Variants in ADK observed in about 807,000 individuals in gnomAD.
ADK encodes the protein N6,N6-dimethyladenosine kinase.
A neutral mutation model predicts 44.7 loss-of-function variants in ADK; 24 were observed. The ratio of observed to expected loss-of-function variants is 0.54; its 90% CI spans 0.39 to 0.76. The LOEUF (loss-of-function observed/expected upper bound fraction) is 0.76. Among genes scored for constraint, ADK ranks in the 30% least tolerant of loss-of-function variants. The probability of loss-of-function intolerance (pLI) is 0.00; values close to 1 mark genes in which losing one functional copy is unlikely to be tolerated. For synonymous variants in ADK, 128 were observed against 142.6 expected (o/e 0.90, Z 0.73); for missense variants, 321 against 425.1 (o/e 0.76, Z 2.15).
At chr10:74,682,090 C>A (rs1364766685) in intron 10 of ADK, among the ~76,000 whole-genome samples, 1 of 152,148 alleles carries the variant, frequency 6.6e-6, no homozygotes, top group African/African-American at 2.4e-5. Context: ...CAGTGTTGTA[C>A]ATCTATGCTC....
intron 3 of ADK, among the ~76,000 whole-genome samples, chr10:74,270,220 T>C (rs572210387): frequency 6.6e-6 from 1 of 152,348 alleles, no homozygotes; most frequent in Admixed American, 6.5e-5. Context: ...GTGGGTTATA[T>C]CTATTGATAA....
At chr10:74,287,521 A>G (rs1847220098) in intron 3 of ADK, among the ~76,000 whole-genome samples, 2 of 152,076 alleles carry the variant, frequency 1.3e-5, no homozygotes, top group African/African-American at 2.4e-5. Flanking sequence ...AAGGAAATCT[A>G]CGTTAATGGA....
intron 6 of ADK, among the ~76,000 whole-genome samples, chr10:74,471,309 C>T (rs1488437073): frequency 2.6e-5 from 4 of 152,016 alleles, no homozygotes; most frequent in Admixed American, 2.0e-4. Context: ...CTCCTGACCT[C>T]GTGATCCACC....
chr10:74,358,428 A>T (rs1358372831), intron 4 of ADK, among the ~76,000 whole-genome samples: 1 of 152,172 alleles, frequency 6.6e-6, no homozygotes. Flanking sequence ...ACTTATTTCA[A>T]ATTTTATTCT....
At chr10:74,581,021 TACAC>T (rs143153735) in intron 7 of ADK, among the ~76,000 whole-genome samples, 31,555 of 145,196 alleles carry the variant, frequency 0.22, 4,067 homozygotes, top group East Asian at 0.62. Flanking sequence ...CAATAATAAA[TACAC>T]ACACACACAC....
intron 2 of ADK, among the ~76,000 whole-genome samples, chr10:74,220,224 A>G (rs1054038090): frequency 3.0e-4 from 46 of 152,052 alleles, no homozygotes; most frequent in African/African-American, 1.1e-3. Flanking sequence ...AACTACCATC[A>G]GAGAATACTA....
intron 4 of ADK, among the ~76,000 whole-genome samples, chr10:74,319,159 T>C (rs1426593563): frequency 6.6e-6 from 1 of 152,232 alleles, no homozygotes; most frequent in Non-Finnish European, 1.5e-5. Flanking sequence ...TTAATCCAAC[T>C]GTGGTTACGT....
At chr10:74,321,426 G>A (rs1398963806) in intron 4 of ADK, among the ~76,000 whole-genome samples, 1 of 151,814 alleles carries the variant, frequency 6.6e-6, no homozygotes, top group Non-Finnish European at 1.5e-5. Flanking sequence ...TGGGACTATA[G>A]GTGCACACCA....
intron 3 of ADK, among the ~76,000 whole-genome samples, chr10:74,260,817 C>G (rs1419124043): frequency 2.6e-5 from 4 of 152,170 alleles, no homozygotes; most frequent in African/African-American, 9.7e-5. Context: ...TAAGGTAATT[C>G]TCACATGTGG....
chr10:74,538,524 G>A (rs562632110), intron 7 of ADK, among the ~76,000 whole-genome samples: 69 of 152,250 alleles, frequency 4.5e-4, no homozygotes, highest in Non-Finnish European at 6.2e-4. Flanking sequence ...GTTTTTTGTT[G>A]TTGAGTAGCT....
chr10:74,344,567 C>A, intron 4 of ADK: 1 of 255,886 alleles, frequency 3.9e-6, no homozygotes. Context: ...AGTAGTCCTG[C>A]TTTGGCTGCC....
rs1564837022 is a variant in ADK, at chr10:74,652,045, TC to T, written c.878-18137del. ...TGAAGGGATATGAAGGAACTTTCTT[TC>T]TTTCTTTTTTTTTTTTTTTGAGACA... is the stretch of plus-strand genomic sequence containing the variant. On this transcript the variant is annotated intron_variant, in intron 9 of 10. Coordinates refer to ENST00000539909, the MANE Select transcript of ADK (RefSeq NM_006721.4). Among the ~76,000 whole-genome samples, 223 of 150,312 alleles carry T rather than the reference TC, an allele frequency of 1.5e-3. 2 individuals are homozygous for T. The highest frequency in any genetic ancestry group is 4.8e-3 in the African/African-American group (194 of 40,368).
chr10:74,246,865 G>A (rs1361574206), intron 3 of ADK, among the ~76,000 whole-genome samples: 2 of 151,994 alleles, frequency 1.3e-5, no homozygotes, highest in African/African-American at 4.8e-5. Flanking sequence ...TGCTTCTCTT[G>A]TCACTAAGAT....
At chr10:74,551,726 C>A (rs1013151738) in intron 7 of ADK, among the ~76,000 whole-genome samples, 2 of 152,006 alleles carry the variant, frequency 1.3e-5, no homozygotes, top group Non-Finnish European at 2.9e-5. Context: ...TATTTTGAGG[C>A]CATATTTGTT....
At chr10:74,552,517 TGTG>T (rs2133785686) in intron 7 of ADK, among the ~76,000 whole-genome samples, 1 of 152,178 alleles carries the variant, frequency 6.6e-6, no homozygotes, top group East Asian at 1.9e-4. Flanking sequence ...AAAACTGGAT[TGTG>T]GTGATGTTTG....
intron 3 of ADK, among the ~76,000 whole-genome samples, chr10:74,235,539 A>G (rs1591907997): frequency 1.3e-5 from 2 of 152,052 alleles, no homozygotes; most frequent in Non-Finnish European, 1.5e-5. Flanking sequence ...CCTGGACTCA[A>G]GTGGTCTGCC....
At chr10:74,494,678 T>G (rs1847616211) in intron 6 of ADK, among the ~76,000 whole-genome samples, 1 of 152,172 alleles carries the variant, frequency 6.6e-6, no homozygotes, top group Non-Finnish European at 1.5e-5. Context: ...TTTTTTTGTT[T>G]TTGAGATATA....
chr10:74,358,279 AC>A (rs1356104350), intron 4 of ADK, among the ~76,000 whole-genome samples: 29 of 152,208 alleles, frequency 1.9e-4, no homozygotes, highest in African/African-American at 6.8e-4. Context: ...TATATAATTA[AC>A]TTTGTAAGTT....
At chr10:74,611,874 G>A (rs528087267) in intron 9 of ADK, among the ~76,000 whole-genome samples, 1 of 152,226 alleles carries the variant, frequency 6.6e-6, no homozygotes, top group South Asian at 2.1e-4. Context: ...CCAATCCGCT[G>A]TTGATGGACA....
Sources: allele counts gnomAD v4.1 joint callset (sites outside exome capture counted in the v4.1 genomes callset), GRCh38; gene constraint gnomAD v4.1.1; transcripts MANE v1.5; gene names NCBI Gene and HGNC (gene_info 2026-07-23, HGNC 2026-07-21).